Variants in NRXN3 observed in about 807,000 individuals in gnomAD.
NRXN3 encodes neurexin III.
Under a neutral mutation model 137.6 loss-of-function variants are expected in NRXN3, and 32 were observed. The ratio of observed to expected loss-of-function variants is 0.23; its 90% confidence interval spans 0.18 to 0.31. The LOEUF (loss-of-function observed/expected upper bound fraction) is 0.31, where lower values mean the gene tolerates loss of function less well. Ranked by LOEUF, NRXN3 falls within the 10% of genes least tolerant of loss-of-function variation. NRXN3 has a pLI of 1.00. For synonymous variants in NRXN3, 798 were observed against 784.5 expected (o/e 1.02, Z -0.29); for missense variants, 1,574 against 2,062.5 (o/e 0.76, Z 4.59).
Position 79,273,453 on chromosome 14 carries a change from T to G in NRXN3, c.3263-193768T>G, listed in dbSNP as rs947957594. 4.0e-5 allele frequency among the ~76,000 whole-genome samples: 6 copies of G among 151,836 alleles called. No homozygotes were observed. The South Asian group carries it at 1.2e-3, about 32-fold the overall frequency. On this transcript the variant is annotated intron_variant, in intron 15 of 20. Coordinates refer to ENST00000335750, the MANE Select transcript of NRXN3 (RefSeq NM_001330195.2). ...ATGGAGACCATCCTGGCTAACATGG[T>G]GAAACCCCGTCTCTACTCAAAATAC...
intron 14 of NRXN3, among the ~76,000 whole-genome samples, chr14:78,986,581 A>C (rs1292026257): frequency 6.6e-6 from 1 of 152,292 alleles, no homozygotes; most frequent in East Asian, 1.9e-4. Context: ...TACATGTACT[A>C]TTATTCTTAT....
intron 10 of NRXN3, among the ~76,000 whole-genome samples, chr14:78,841,084 C>T (rs889315286): frequency 6.6e-6 from 1 of 152,122 alleles, no homozygotes; most frequent in African/African-American, 2.4e-5. Flanking sequence ...ACAATTAAAA[C>T]CCACTTACTC....
intron 15 of NRXN3, among the ~76,000 whole-genome samples, chr14:79,025,350 A>G (rs1295978509): frequency 2.6e-5 from 4 of 152,092 alleles, no homozygotes; most frequent in Admixed American, 2.0e-4. Context: ...CTGTTCTTAT[A>G]GTAATCATCA....
intron 2 of NRXN3, among the ~76,000 whole-genome samples, chr14:78,263,657 T>A (rs539687186): frequency 6.6e-6 from 1 of 152,304 alleles, no homozygotes; most frequent in East Asian, 1.9e-4. Flanking sequence ...AAGATTTGAT[T>A]CATCAATCAG....
chr14:78,457,792 G>T (rs1425412606), intron 4 of NRXN3, among the ~76,000 whole-genome samples: 2 of 152,132 alleles, frequency 1.3e-5, no homozygotes, highest in Admixed American at 6.5e-5. Context: ...CATAATGAGA[G>T]AAGATACAAA....
At position 79,667,251 on chromosome 14, in the gene NRXN3, A is replaced by G. The variant is rs139348079; in HGVS notation, c.3616+3302A>G. 1.5e-4 allele frequency among the ~76,000 whole-genome samples: 23 copies of G among 152,210 alleles called. No individual in the cohort carries two copies. The East Asian group carries it at 3.3e-3, about 22-fold the overall frequency. ...GTCATTCTATTTTATTATTTTATCA[A>G]TAACAGTAGGTTTAGAAATCATCAA... On this transcript the variant is annotated intron_variant, in intron 17 of 20. Transcript: ENST00000335750.
intron 15 of NRXN3, among the ~76,000 whole-genome samples, chr14:79,117,511 A>T (rs1192840131): frequency 6.6e-6 from 1 of 152,146 alleles, no homozygotes. Flanking sequence ...TCCCTAAAGG[A>T]TTTTTATTAT....
intron 1 of NRXN3, among the ~76,000 whole-genome samples, chr14:78,181,139 A>G (rs1208446119): frequency 6.6e-6 from 1 of 152,234 alleles, no homozygotes; most frequent in African/African-American, 2.4e-5. Context: ...CACATGTAAT[A>G]TCCAGTGGGG....
At chr14:79,470,054 A>G (rs928479580) in intron 16 of NRXN3, among the ~76,000 whole-genome samples, 2 of 152,132 alleles carry the variant, frequency 1.3e-5, no homozygotes, top group African/African-American at 4.8e-5. Flanking sequence ...TGTTTGTTGA[A>G]TGGTTTGTTT....
intron 15 of NRXN3, among the ~76,000 whole-genome samples, chr14:79,140,391 G>A (rs188890719): frequency 1.2e-4 from 18 of 152,232 alleles, no homozygotes; most frequent in Admixed American, 3.3e-4. Context: ...CCGTTTGTGA[G>A]CAAGGAGAGA....
chr14:79,411,033 C>T (rs964510419), intron 15 of NRXN3, among the ~76,000 whole-genome samples: 4 of 152,002 alleles, frequency 2.6e-5, no homozygotes, highest in African/African-American at 9.7e-5. Context: ...GTTCTCTAAC[C>T]CCATAGTTCA....
At chr14:78,669,958 C>T (rs2097919798) in intron 6 of NRXN3, among the ~76,000 whole-genome samples, 3 of 151,860 alleles carry the variant, frequency 2.0e-5, no homozygotes. Flanking sequence ...TTTGCTGCAC[C>T]CATCAACCCG....
chr14:78,409,046 A>C (rs768555787), intron 4 of NRXN3, among the ~76,000 whole-genome samples: 3 of 152,234 alleles, frequency 2.0e-5, no homozygotes, highest in Non-Finnish European at 4.4e-5. Context: ...TAAATGCATG[A>C]ATCTCTTTGC....
At chr14:79,208,616 T>C (rs1203774040) in intron 15 of NRXN3, among the ~76,000 whole-genome samples, 2 of 152,244 alleles carry the variant, frequency 1.3e-5, no homozygotes, top group Non-Finnish European at 2.9e-5. Context: ...GCTCTTATTC[T>C]GTGGTCACTG....
Position 78,988,154 on chromosome 14 carries a change from A to G in NRXN3, c.3262+13A>G, listed in dbSNP as rs765819953. The G allele has an allele frequency of 1.2e-6, 2 of 1,613,590 alleles. No homozygotes were observed. The highest frequency in any genetic ancestry group is 1.7e-6 in the Non-Finnish European group (2 of 1,179,680). ...CAGTGCAATGATCGTAAGTACAACA[A>G]CCTTTCATACTGGAACTTTGTGAAG... is the stretch of plus-strand genomic sequence containing the variant. On this transcript the variant is annotated intron_variant, in intron 15 of 20. Transcript: ENST00000335750.
At chr14:79,623,580 A>G (rs1346299714) in intron 16 of NRXN3, among the ~76,000 whole-genome samples, 1 of 152,250 alleles carries the variant, frequency 6.6e-6, no homozygotes, top group Non-Finnish European at 1.5e-5. Context: ...CTACTAAGCT[A>G]TCATAGTTGA....
intron 16 of NRXN3, among the ~76,000 whole-genome samples, chr14:79,478,476 C>T (rs1168005119): frequency 6.6e-6 from 1 of 151,834 alleles, no homozygotes; most frequent in Non-Finnish European, 1.5e-5. Flanking sequence ...GTCCTCTTAC[C>T]AGTATTCTGC....
intron 16 of NRXN3, among the ~76,000 whole-genome samples, chr14:79,527,698 C>T (rs962941421): frequency 9.9e-5 from 15 of 151,730 alleles, no homozygotes; most frequent in Non-Finnish European, 2.1e-4. Flanking sequence ...CATGGTGAAA[C>T]CCCGTCTCTA....
At chr14:78,437,927 G>A (rs1207050784) in intron 4 of NRXN3, among the ~76,000 whole-genome samples, 7 of 152,152 alleles carry the variant, frequency 4.6e-5, no homozygotes, top group Admixed American at 3.3e-4. Flanking sequence ...GGAGAGTAGG[G>A]TTATTCTGCA....
Sources: gnomAD v4.1 joint callset for allele counts (sites outside exome capture counted in the v4.1 genomes callset) on GRCh38, gnomAD v4.1.1 for gene constraint, MANE v1.5 for transcripts, NCBI Gene and HGNC (gene_info 2026-07-23, HGNC 2026-07-21) for gene names.